The following CFAP77 variants were observed in gnomAD, a reference collection of about 807,000 sequenced individuals.
The protein encoded by CFAP77 is cilia and flagella associated protein 77, also known as cilia- and flagella-associated protein 77.
CFAP77 carries 25 observed loss-of-function variants against 31.1 expected under a neutral mutation model. That is an observed-to-expected ratio of 0.80 (90% CI 0.59 to 1.12). The LOEUF is 1.12. Ranked by LOEUF, CFAP77 falls within the 50% of genes most tolerant of loss-of-function variation. CFAP77 has a pLI of 0.00. For synonymous variants in CFAP77, 151 were observed against 159.9 expected (o/e 0.94, Z 0.42); for missense variants, 377 against 397.3 (o/e 0.95, Z 0.44).
At chr9:132,486,082 A>T (rs1489061408) in intron 1 of CFAP77, among the ~76,000 whole-genome samples, 365 of 18,522 alleles carry the variant, frequency 0.02, 49 homozygotes, top group East Asian at 0.041. Flanking sequence ...ATATATATAT[A>T]TATATATATT....
Position 132,497,437 on chromosome 9 carries a change from G to A in CFAP77, c.196-1258G>A, listed in dbSNP as rs1266879920. Among the ~76,000 whole-genome samples the A allele has an allele frequency of 5.9e-5, 9 of 152,238 alleles. No individual in the cohort carries two copies. The highest frequency in any genetic ancestry group is 2.1e-4 in the South Asian group (1 of 4,830). On this transcript the variant is annotated intron_variant, in intron 1 of 5. Coordinates refer to ENST00000393216, the MANE Select transcript of CFAP77 (RefSeq NM_001282957.2). This position sits in a 1 kb window ranked among gnomAD's most constrained non-coding sequence, Gnocchi z 4.9. ...GGGAAATGTAACACCCTGTGACTTC[G>A]AAACCACCGCCTGTGGCCTGTGGCC...
At chr9:132,427,621 A>AAAC (rs1039784911) in intron 1 of CFAP77, among the ~76,000 whole-genome samples, 1 of 152,232 alleles carries the variant, frequency 6.6e-6, no homozygotes, top group South Asian at 2.1e-4. Context: ...TCTCAAAAAA[A>AAAC]AACAACAACA....
At chr9:132,566,963 CCTT>C (rs765161673) in intron 5 of CFAP77, among the ~76,000 whole-genome samples, 34 of 152,194 alleles carry the variant, frequency 2.2e-4, no homozygotes, top group Non-Finnish European at 1.8e-4. Flanking sequence ...GCCCACCCGA[CCTT>C]CTTTAAACAC....
chr9:132,462,821 T>TA (rs112452946), intron 1 of CFAP77, among the ~76,000 whole-genome samples: 20,522 of 150,202 alleles, frequency 0.14, 1,554 homozygotes, highest in African/African-American at 0.2. Flanking sequence ...CGTCTCAAAA[T>TA]AAAAATAAAA....
chr9:132,503,167 G>A (rs190980876), intron 3 of CFAP77, among the ~76,000 whole-genome samples: 26 of 152,282 alleles, frequency 1.7e-4, no homozygotes, highest in African/African-American at 3.1e-4. Flanking sequence ...CCTGTACATC[G>A]TCCTCCCTGT....
intron 5 of CFAP77, among the ~76,000 whole-genome samples, chr9:132,556,276 C>T (rs1852904456): frequency 6.6e-6 from 1 of 152,160 alleles, no homozygotes; most frequent in Non-Finnish European, 1.5e-5. Context: ...AAAAGTCCTC[C>T]TCCCCACTGA....
intron 1 of CFAP77, among the ~76,000 whole-genome samples, chr9:132,415,691 T>G (rs1309304690): frequency 6.6e-6 from 1 of 152,210 alleles, no homozygotes; most frequent in African/African-American, 2.4e-5. Context: ...CATTCCAGGC[T>G]CAAGCGTTGC....
At chr9:132,513,494 C>T in intron 3 of CFAP77, 7 of 1,014,932 alleles carry the variant, frequency 6.9e-6, no homozygotes, top group Non-Finnish European at 9.7e-6. Context: ...GCATGCTTTC[C>T]ACCCAGCGTG....
rs559777888 is a variant in CFAP77 at position 132,498,915 on chromosome 9, G to A, written c.295+121G>A. On this transcript the variant is annotated intron_variant, in intron 2 of 5. Coordinates refer to ENST00000393216, the MANE Select transcript of CFAP77 (RefSeq NM_001282957.2). This position sits in a 1 kb window ranked among gnomAD's most constrained non-coding sequence, Gnocchi z 4.2. ...GGTTGGGTGCTGGAGAAAGACCCAG[G>A]GACCGCCAGCCTGGGCAGCTGACTG... The A allele has an allele frequency of 1.3e-4, 91 of 716,296 alleles. No individual in the cohort carries two copies. In the African/African-American group the frequency reaches 1.3e-3, roughly 10 times the overall value. 44.4% of individuals were successfully genotyped at this position (716,296 alleles called of 1,614,324 possible). A position where few individuals can be genotyped will look rare whatever the true frequency, so the allele number is the denominator to read the frequency against.
intron 5 of CFAP77, among the ~76,000 whole-genome samples, chr9:132,561,471 G>A (rs904147690): frequency 2.0e-5 from 3 of 151,918 alleles, no homozygotes; most frequent in African/African-American, 7.3e-5. Flanking sequence ...GGGAGGGGGC[G>A]TCTGCTGGCT....
chr9:132,425,417 C>T (rs991928535), intron 1 of CFAP77, among the ~76,000 whole-genome samples: 2 of 152,110 alleles, frequency 1.3e-5, no homozygotes, highest in African/African-American at 4.8e-5. Context: ...AATGCTCCCC[C>T]CTCCTTATCC....
intron 1 of CFAP77, among the ~76,000 whole-genome samples, chr9:132,414,799 G>A (rs923110887): frequency 2.0e-5 from 3 of 152,128 alleles, no homozygotes; most frequent in African/African-American, 4.8e-5. Context: ...CAGTGCTGCC[G>A]CTGGGATCAT....
intron 3 of CFAP77, among the ~76,000 whole-genome samples, chr9:132,504,926 G>A (rs1324739413): frequency 6.6e-6 from 1 of 152,214 alleles, no homozygotes; most frequent in Non-Finnish European, 1.5e-5. Context: ...AGCCTCAACT[G>A]CATTTCTTTC....
At chr9:132,450,014 G>A (rs566604221) in intron 1 of CFAP77, among the ~76,000 whole-genome samples, 31 of 152,242 alleles carry the variant, frequency 2.0e-4, no homozygotes, top group African/African-American at 7.2e-4. Flanking sequence ...CCGGGTTCAC[G>A]CCATGCTCCT....
chr9:132,433,650 C>T (rs1452185403), intron 1 of CFAP77, among the ~76,000 whole-genome samples: 1 of 151,820 alleles, frequency 6.6e-6, no homozygotes, highest in African/African-American at 2.4e-5. Flanking sequence ...TGGGTTCAAG[C>T]AGTTCTTCTG....
At chr9:132,487,955 A>G (rs1329758396) in intron 1 of CFAP77, among the ~76,000 whole-genome samples, 1 of 152,218 alleles carries the variant, frequency 6.6e-6, no homozygotes, top group Non-Finnish European at 1.5e-5. Flanking sequence ...TTTTACAATA[A>G]TGAACTACCC....
intron 5 of CFAP77, among the ~76,000 whole-genome samples, chr9:132,550,262 C>A (rs961715201): frequency 6.6e-6 from 1 of 152,326 alleles, no homozygotes; most frequent in East Asian, 1.9e-4. Flanking sequence ...AAAAATATTT[C>A]GGTTTTTTGT....
intron 1 of CFAP77, among the ~76,000 whole-genome samples, chr9:132,422,042 C>T (rs1015124219): frequency 6.6e-6 from 1 of 150,976 alleles, no homozygotes; most frequent in African/African-American, 2.5e-5. Context: ...GAGTTTTGCT[C>T]TTGTTGCCCA....
chr9:132,515,955 A>T (rs2119005600), intron 3 of CFAP77, among the ~76,000 whole-genome samples: 1 of 152,268 alleles, frequency 6.6e-6, no homozygotes, highest in African/African-American at 2.4e-5. Context: ...TTTGTTGTTT[A>T]ATTGGCGTAG....
Sources: gnomAD v4.1 joint callset for allele counts (sites outside exome capture counted in the v4.1 genomes callset) on GRCh38, gnomAD v4.1.1 for gene constraint, Gnocchi (gnomAD v3.1) non-coding constraint, MANE v1.5 for transcripts, NCBI Gene and HGNC (gene_info 2026-07-23, HGNC 2026-07-21) for gene names.